PIBF1: variants seen among roughly 807,000 people sequenced by gnomAD.
PIBF1 encodes progesterone-induced-blocking factor 1.
A neutral mutation model predicts 112.5 loss-of-function variants in PIBF1; 90 were observed. The ratio of observed to expected loss-of-function variants is 0.80; its 90% CI spans 0.67 to 0.95. PIBF1 has a LOEUF of 0.95. PIBF1 is among the 40% of genes least tolerant of loss of function. The pLI is 0.00. For synonymous variants in PIBF1, 301 were observed against 288.6 expected, an observed-to-expected ratio of 1.04 and a Z score of -0.44; for missense variants, 915 against 852.3, an observed-to-expected ratio of 1.07 and a Z score of -0.92.
At chr13:72,817,920 T>C (rs1344854022) in intron 5 of PIBF1, among the ~76,000 whole-genome samples, 1 of 152,132 alleles carries the variant, frequency 6.6e-6, no homozygotes, top group Non-Finnish European at 1.5e-5. Context: ...AATACGAAAG[T>C]AATAATTTCG....
chr13:72,970,455 A>G (rs545187351), intron 15 of PIBF1: 5 of 152,314 alleles, frequency 3.3e-5, no homozygotes, highest in East Asian at 1.9e-4. Context: ...GTAGTTAAAG[A>G]TAAGACTACA....
intron 12 of PIBF1, among the ~76,000 whole-genome samples, chr13:72,915,492 C>T (rs767926589): frequency 3.9e-5 from 6 of 152,166 alleles, no homozygotes; most frequent in Non-Finnish European, 7.3e-5. Context: ...ATTAAACTCA[C>T]ATTTAGCATG....
chr13:72,904,521 A>G (rs1192153761), intron 11 of PIBF1, among the ~76,000 whole-genome samples: 1 of 129,404 alleles, frequency 7.7e-6, no homozygotes, highest in Non-Finnish European at 1.5e-5. Flanking sequence ...GCTCACTACA[A>G]CCTCCACCTC....
chr13:72,851,645 T>A (rs1238404344), intron 9 of PIBF1, among the ~76,000 whole-genome samples: 1 of 152,216 alleles, frequency 6.6e-6, no homozygotes, highest in Non-Finnish European at 1.5e-5. Flanking sequence ...AGCCCCACCC[T>A]CAAGCCAGGG....
chr13:72,959,287 C>T (rs532354653), intron 14 of PIBF1, among the ~76,000 whole-genome samples: 10 of 152,248 alleles, frequency 6.6e-5, no homozygotes, highest in Admixed American at 1.3e-4. Context: ...TGAGCCACCA[C>T]GCCCAGCCAG....
At chr13:72,793,068 TAAA>T (rs1352948361) in intron 3 of PIBF1, among the ~76,000 whole-genome samples, 1 of 152,236 alleles carries the variant, frequency 6.6e-6, no homozygotes, top group African/African-American at 2.4e-5. Context: ...AACACAAGTT[TAAA>T]GATTGAGGGC....
At chr13:72,889,533 T>TTTG (rs1312512115) in intron 10 of PIBF1, among the ~76,000 whole-genome samples, 1 of 152,216 alleles carries the variant, frequency 6.6e-6, no homozygotes, top group Non-Finnish European at 1.5e-5. Flanking sequence ...CTTTCAGTGC[T>TTTG]TTGTTATTAG....
At chr13:72,992,551 T>C (rs2043513701) in intron 16 of PIBF1, among the ~76,000 whole-genome samples, 1 of 152,156 alleles carries the variant, frequency 6.6e-6, no homozygotes, top group Non-Finnish European at 1.5e-5. Context: ...AGCCCCACTT[T>C]GGGATGCCGA....
At chr13:72,814,197 G>A (rs2036157235) in intron 5 of PIBF1, among the ~76,000 whole-genome samples, 1 of 152,186 alleles carries the variant, frequency 6.6e-6, no homozygotes, top group African/African-American at 2.4e-5. Flanking sequence ...CAGCGCTCTA[G>A]GAGGCTGAGG....
intron 10 of PIBF1, among the ~76,000 whole-genome samples, chr13:72,892,179 T>G (rs1185234669): frequency 6.6e-6 from 1 of 152,174 alleles, no homozygotes; most frequent in Non-Finnish European, 1.5e-5. Flanking sequence ...ATATGAATTA[T>G]GTCTCAGTAA....
At chr13:72,988,315 C>T (rs1411951076) in intron 16 of PIBF1, among the ~76,000 whole-genome samples, 1 of 152,102 alleles carries the variant, frequency 6.6e-6, no homozygotes, top group East Asian at 1.9e-4. Context: ...TCTGTCCCCT[C>T]TCTTCCTCCC....
chr13:73,012,282 G>T (rs1357961862), intron 17 of PIBF1, among the ~76,000 whole-genome samples: 1 of 152,080 alleles, frequency 6.6e-6, no homozygotes, highest in Non-Finnish European at 1.5e-5. Flanking sequence ...AACCTGGGAG[G>T]CCAAGGTTGC....
intron 11 of PIBF1, among the ~76,000 whole-genome samples, chr13:72,905,416 C>T (rs2040669777): frequency 6.6e-6 from 1 of 152,228 alleles, no homozygotes; most frequent in Non-Finnish European, 1.5e-5. Flanking sequence ...TTACAGTAAT[C>T]TCTCCAAGAT....
intron 12 of PIBF1, among the ~76,000 whole-genome samples, chr13:72,916,623 C>A (rs1184405640): frequency 1.3e-5 from 2 of 151,768 alleles, no homozygotes; most frequent in South Asian, 4.2e-4. Flanking sequence ...AATAGAGTAA[C>A]CTACATAAGT....
intron 14 of PIBF1, among the ~76,000 whole-genome samples, chr13:72,946,015 C>A (rs1438231792): frequency 1.3e-5 from 2 of 152,060 alleles, no homozygotes; most frequent in Non-Finnish European, 2.9e-5. Context: ...CTTCTTGAGG[C>A]CTGAAAGAAG....
chr13:72,831,299 TC>T (rs962672179), intron 8 of PIBF1, among the ~76,000 whole-genome samples: 1 of 152,222 alleles, frequency 6.6e-6, no homozygotes, highest in Non-Finnish European at 1.5e-5. Context: ...TTTCTTGTCT[TC>T]TGCTAGATTT....
At chr13:72,989,932 G>A (rs940048504) in intron 16 of PIBF1, among the ~76,000 whole-genome samples, 1 of 152,036 alleles carries the variant, frequency 6.6e-6, no homozygotes, top group Non-Finnish European at 1.5e-5. Flanking sequence ...AAAAATGCCC[G>A]ACCAGGCACT....
intron 13 of PIBF1, among the ~76,000 whole-genome samples, chr13:72,923,590 GAA>G (rs1282654701): frequency 6.6e-6 from 1 of 152,172 alleles, no homozygotes; most frequent in African/African-American, 2.4e-5. Flanking sequence ...GCTTTCTTGA[GAA>G]ATTCAGTACA....
chr13:72,811,316 A>G (rs750977498), intron 5 of PIBF1, among the ~76,000 whole-genome samples: 2 of 152,176 alleles, frequency 1.3e-5, no homozygotes, highest in South Asian at 2.1e-4. Context: ...TGAAATTTAT[A>G]TATTGGCTGG....
Sources: gnomAD v4.1 joint callset for allele counts (sites outside exome capture counted in the v4.1 genomes callset) on GRCh38, gnomAD v4.1.1 for gene constraint, MANE v1.5 for transcripts, NCBI Gene and HGNC (gene_info 2026-07-23, HGNC 2026-07-21) for gene names.